The following SFSWAP variants were observed in gnomAD, a reference collection of about 807,000 sequenced individuals.
SFSWAP encodes the protein splicing factor SWAP.
A neutral mutation model predicts 100.7 loss-of-function variants in SFSWAP; 17 were observed. That is an observed-to-expected ratio of 0.17 (90% CI 0.12 to 0.25). The LOEUF is 0.25. Among genes scored for constraint, SFSWAP ranks in the 10% least tolerant of loss-of-function variants. SFSWAP has a pLI of 1.00. For missense variants in SFSWAP, 1,005 were observed against 1,262.6 expected, an observed-to-expected ratio of 0.80 and a Z score of 3.09; for synonymous variants, 504 against 510.1, an observed-to-expected ratio of 0.99 and a Z score of 0.16.
chr12:131,798,290 A>G (rs935113675), intron 16 of SFSWAP, among the ~76,000 whole-genome samples: 4 of 151,874 alleles, frequency 2.6e-5, no homozygotes, highest in Admixed American at 6.6e-5. Flanking sequence ...GGTGACAGAG[A>G]GAGACCCTGT....
At chr12:131,760,467 A>C (rs1048852856) in intron 11 of SFSWAP, among the ~76,000 whole-genome samples, 1 of 152,144 alleles carries the variant, frequency 6.6e-6, no homozygotes, top group African/African-American at 2.4e-5. Flanking sequence ...TTGCCTCTCA[A>C]ATTGATAAAG....
Position 131,794,722 on chromosome 12 carries a change from G to A in SFSWAP, c.2535-2456G>A, listed in dbSNP as rs1456073697. 6.6e-6 allele frequency among the ~76,000 whole-genome samples: 1 copy of A among 152,232 alleles called. No homozygotes were observed. The highest frequency in any genetic ancestry group is 2.4e-5 in the African/African-American group (1 of 41,460). ...TTCTGGAATGAAGGGACGCCCCTGCGTGGATAAGGCCCAGGTGTCAGGGTG... is the reference window on the plus strand; with the variant it reads ...TTCTGGAATGAAGGGACGCCCCTGCATGGATAAGGCCCAGGTGTCAGGGTG... On this transcript the variant is annotated intron_variant, in intron 15 of 17. Transcript: ENST00000261674. The surrounding 1 kb of genome is among the most constrained non-coding windows in gnomAD (Gnocchi z 4.8).
chr12:131,791,981 G>A (rs959215983), intron 15 of SFSWAP, among the ~76,000 whole-genome samples: 2 of 151,194 alleles, frequency 1.3e-5, no homozygotes, highest in African/African-American at 4.9e-5. Flanking sequence ...GGTCATTACT[G>A]TGTGTGCACC....
Position 131,726,962 on chromosome 12 carries a change from T to TGAA in SFSWAP, c.858_860dup (p.Glu286dup), listed in dbSNP as rs1216579273. 4 of 1,602,254 alleles carry TGAA rather than the reference T, an allele frequency of 2.5e-6. No homozygotes were observed. The highest frequency in any genetic ancestry group is 3.4e-6 in the Non-Finnish European group (4 of 1,172,058). On this transcript the variant is annotated inframe_insertion, in exon 6 of 18. Transcript: ENST00000261674. ...CAGAATCAGGAGTCAGCTCTGACAA[T>TGAA]GAAGATGATGATGATGAAGAAGATG...
chr12:131,788,678 A>T (rs1321857617), intron 15 of SFSWAP, among the ~76,000 whole-genome samples: 3 of 151,774 alleles, frequency 2.0e-5, no homozygotes, highest in Non-Finnish European at 4.4e-5. Context: ...GGCTGTCACC[A>T]CCATGCCTGG....
At chr12:131,738,564 A>G (rs540150152) in intron 7 of SFSWAP, among the ~76,000 whole-genome samples, 17 of 152,370 alleles carry the variant, frequency 1.1e-4, no homozygotes, top group African/African-American at 2.6e-4. Context: ...CGAACTTCGG[A>G]TGAAAGTTTC....
At chr12:131,746,289 G>T (rs1881092897) in intron 7 of SFSWAP, among the ~76,000 whole-genome samples, 1 of 152,240 alleles carries the variant, frequency 6.6e-6, no homozygotes, top group South Asian at 2.1e-4. Context: ...AGATGGAGCT[G>T]TGCCGCCTTC....
In SFSWAP at chr12:131,765,742, A is replaced by G. The variant is rs567244764; in HGVS notation, c.1952-376A>G. ...GTTCTCCCTAAGCAAACTTGTACTCATGCCTGTACATCTGAATCTGTCCTT... is the reference window on the plus strand; with the variant it reads ...GTTCTCCCTAAGCAAACTTGTACTCGTGCCTGTACATCTGAATCTGTCCTT... On this transcript the variant is annotated intron_variant, in intron 12 of 17. Transcript: ENST00000261674. 5.9e-5 allele frequency among the ~76,000 whole-genome samples: 9 copies of G among 152,278 alleles called. No individual in the cohort carries two copies. The East Asian group carries it at 1.2e-3, about 20-fold the overall frequency.
chr12:131,766,155 C>G lies in SFSWAP; in HGVS notation c.1989C>G (p.Ala663=). The G allele has an allele frequency of 6.2e-7, 1 of 1,613,472 alleles. No individual in the cohort carries two copies. Among genetic ancestry groups the G allele is most frequent in the South Asian group, 1.1e-5 (1 of 91,030 alleles). Reference sequence around the variant, plus strand: ...TGGAAGATCGCCTCGCAGCTGCTGCCCGGGAAAAGCTGGCCCAGGCGTCTA... The same window carrying G: ...TGGAAGATCGCCTCGCAGCTGCTGCGCGGGAAAAGCTGGCCCAGGCGTCTA... ...QKLEDRLAAA[A]REKLAQASKE... is the part of the protein sequence containing the mutation. Residue 663 remains alanine, a synonymous_variant, in exon 13 of 18, where the codon GCC becomes GCG. Transcript: ENST00000261674.
rs1000017790 is a variant in SFSWAP at position 131,725,749 on chromosome 12, C to G, written c.832+119C>G. On this transcript the variant is annotated intron_variant, in intron 5 of 17. Coordinates refer to ENST00000261674, the MANE Select transcript of SFSWAP (RefSeq NM_004592.4). The surrounding 1 kb of genome is among the most constrained non-coding windows in gnomAD (Gnocchi z 4.3). ...TTCTTACAGATGCATGGTTGAAAGC[C>G]AGACTCGAATTTCTAGAATGTGTCT... 1 of 736,632 alleles carries G rather than the reference C, an allele frequency of 1.4e-6. No homozygotes were observed. Among genetic ancestry groups the G allele is most frequent in the African/African-American group, 1.8e-5 (1 of 57,004 alleles). The allele number at this position is 736,632 out of a possible 1,614,324, so 45.6% of individuals were successfully genotyped here. A position where few individuals can be genotyped will look rare whatever the true frequency, so the allele number is the denominator to read the frequency against.
intron 15 of SFSWAP, chr12:131,796,039 GAGCGGA>G (rs1566064841): frequency 7.5e-5 from 1 of 13,290 alleles, no homozygotes; most frequent in Non-Finnish European, 1.4e-4. Context: ...GAGGGGAGGG[GAGCGGA>G]GAGGGGGAGG....
chr12:131,754,822 A>G (rs1279258097), intron 9 of SFSWAP, among the ~76,000 whole-genome samples: 1 of 151,744 alleles, frequency 6.6e-6, no homozygotes, highest in Non-Finnish European at 1.5e-5. Context: ...TGGTAGAGAC[A>G]GGGTTTCACT....
intron 11 of SFSWAP, among the ~76,000 whole-genome samples, chr12:131,758,822 C>T (rs1019337612): frequency 6.6e-6 from 1 of 152,204 alleles, no homozygotes; most frequent in Non-Finnish European, 1.5e-5. Context: ...TGGCACATGC[C>T]TGTAGCACCA....
At chr12:131,770,311 C>T (rs578044995) in intron 13 of SFSWAP, among the ~76,000 whole-genome samples, 1 of 152,338 alleles carries the variant, frequency 6.6e-6, no homozygotes, top group South Asian at 2.1e-4. Context: ...AGGAAGCCTG[C>T]GTGGCTGAGG....
chr12:131,764,300 C>G (rs529453429), intron 11 of SFSWAP, among the ~76,000 whole-genome samples, 156 bp from the exon 12 acceptor site: 1 of 152,220 alleles, frequency 6.6e-6, no homozygotes, highest in East Asian at 1.9e-4. Flanking sequence ...CACAGGTCTG[C>G]TCTGACGGCA....
chr12:131,740,957 C>CT (rs1354791623), intron 7 of SFSWAP, among the ~76,000 whole-genome samples: 32 of 96,034 alleles, frequency 3.3e-4, no homozygotes, highest in African/African-American at 8.2e-4. Context: ...CTTTTTTTTT[C>CT]TTTTTTTTCT....
At chr12:131,753,495 AT>A in intron 8 of SFSWAP, 132 bp downstream of exon 8, 3 of 1,182,844 alleles carry the variant, frequency 2.5e-6, no homozygotes, top group Non-Finnish European at 3.4e-6. Flanking sequence ...AGTAGTTATT[AT>A]TCCAAATCCC....
chr12:131,785,124 G>A (rs768566125), intron 14 of SFSWAP: 95 of 1,535,548 alleles, frequency 6.2e-5, no homozygotes, highest in Non-Finnish European at 7.2e-5. Flanking sequence ...AGAGCAGCGC[G>A]TCAGTGACAG....
At chr12:131,758,412 C>T (rs1201199725) in intron 11 of SFSWAP, among the ~76,000 whole-genome samples, 4 of 152,158 alleles carry the variant, frequency 2.6e-5, no homozygotes, top group Non-Finnish European at 5.9e-5. Context: ...CCCATGCTAA[C>T]TCTCAGTTCT....
Sources: gnomAD v4.1 joint callset for allele counts (sites outside exome capture counted in the v4.1 genomes callset) on GRCh38, gnomAD v4.1.1 for gene constraint, Gnocchi (gnomAD v3.1) non-coding constraint, MANE v1.5 for transcripts, NCBI Gene and HGNC (gene_info 2026-07-23, HGNC 2026-07-21) for gene names.